The following TBC1D5 variants were observed in gnomAD, a reference collection of about 807,000 sequenced individuals.
The protein encoded by TBC1D5 is TBC1 domain family, member 5.
TBC1D5 carries 75 observed loss-of-function variants against 100.3 expected under a neutral mutation model. That is an observed-to-expected ratio of 0.75 (90% CI 0.62 to 0.91). The LOEUF is 0.91. Ranked by LOEUF, TBC1D5 falls within the 40% of genes least tolerant of loss-of-function variation. The probability of loss-of-function intolerance (pLI) is 0.00; values close to 1 mark genes in which losing one functional copy is unlikely to be tolerated. For missense variants in TBC1D5, 910 were observed against 942.4 expected (o/e 0.97, Z 0.45); for synonymous variants, 323 against 325.6 (o/e 0.99, Z 0.09).
chr3:17,271,784 C>T (rs149794388), intron 15 of TBC1D5, among the ~76,000 whole-genome samples: 64 of 152,036 alleles, frequency 4.2e-4, no homozygotes, highest in African/African-American at 1.4e-3. Context: ...TCCTTCAATG[C>T]CTAGTTTCTC....
At chr3:17,374,392 TC>T in intron 12 of TBC1D5, 78 bp downstream of exon 12, 1 of 1,364,728 alleles carries the variant, frequency 7.3e-7, no homozygotes, top group South Asian at 1.4e-5. Context: ...TATATACTAT[TC>T]TTTGGTTACA....
At chr3:17,308,205 A>T in intron 13 of TBC1D5, 71 bp from the exon 14 acceptor site, 1 of 1,408,000 alleles carries the variant, frequency 7.1e-7, no homozygotes, top group Non-Finnish European at 9.3e-7. Context: ...TTTCTCAAGT[A>T]ACTGTGAAAA....
chr3:17,262,483 T>G (rs990899128), intron 15 of TBC1D5, among the ~76,000 whole-genome samples: 3 of 149,096 alleles, frequency 2.0e-5, no homozygotes, highest in Non-Finnish European at 3.0e-5. Context: ...ACAATGTTTT[T>G]TTTTTTTTTT....
At chr3:17,345,940 G>T (rs2089799182) in intron 13 of TBC1D5, among the ~76,000 whole-genome samples, 1 of 151,596 alleles carries the variant, frequency 6.6e-6, no homozygotes, top group Non-Finnish European at 1.5e-5. Context: ...GAGGGGGGAG[G>T]GATAGCATTA....
chr3:17,339,050 G>C (rs2088420809), intron 13 of TBC1D5, among the ~76,000 whole-genome samples: 1 of 152,162 alleles, frequency 6.6e-6, no homozygotes, highest in Non-Finnish European at 1.5e-5. Flanking sequence ...TCATTAATCA[G>C]CCAAATTATT....
At chr3:17,486,886 G>A (rs1398889382) in intron 3 of TBC1D5, among the ~76,000 whole-genome samples, 1 of 152,162 alleles carries the variant, frequency 6.6e-6, no homozygotes, top group East Asian at 1.9e-4. Flanking sequence ...GCAAGTGCTT[G>A]CCTTTGTTTT....
chr3:17,298,388 A>G (rs2082477643), intron 14 of TBC1D5, among the ~76,000 whole-genome samples: 2 of 152,218 alleles, frequency 1.3e-5, no homozygotes, highest in South Asian at 4.1e-4. Flanking sequence ...TTCCAGTGGA[A>G]GAGAAACATA....
At position 17,572,036 on chromosome 3, in the gene TBC1D5, T is replaced by C. The variant is rs115871397; in HGVS notation, c.-36+51813A>G. ...CTACTGCATTATGCCCTCACCATTGTCTCGGTTGGGACTTTTTGAAAACAG... is the reference window on the plus strand; with the variant it reads ...CTACTGCATTATGCCCTCACCATTGCCTCGGTTGGGACTTTTTGAAAACAG... On this transcript the variant is annotated intron_variant, in intron 2 of 21. Transcript: ENST00000253692. Among the ~76,000 whole-genome samples, 936 of 152,148 alleles carry C rather than the reference T, an allele frequency of 6.2e-3. 6 individuals carry two copies. The highest frequency in any genetic ancestry group is 9.7e-3 in the Non-Finnish European group (656 of 67,946).
chr3:17,544,814 A>C (rs948285324), intron 2 of TBC1D5, among the ~76,000 whole-genome samples: 3 of 152,196 alleles, frequency 2.0e-5, no homozygotes, highest in Non-Finnish European at 4.4e-5. Context: ...TATTTCTACC[A>C]CTAGATGGAA....
At chr3:17,278,351 T>C (rs1454899927) in intron 15 of TBC1D5, among the ~76,000 whole-genome samples, 3 of 152,152 alleles carry the variant, frequency 2.0e-5, no homozygotes, top group Non-Finnish European at 4.4e-5. Context: ...GATTATTCCT[T>C]TGCTCTAAAA....
intron 13 of TBC1D5, among the ~76,000 whole-genome samples, chr3:17,351,825 AG>A (rs67717807): frequency 0.44 from 59,588 of 136,002 alleles, 12,384 homozygotes; most frequent in African/African-American, 0.53. Context: ...AAAAAAAAAA[AG>A]AGATTCCCTA....
intron 2 of TBC1D5, among the ~76,000 whole-genome samples, chr3:17,591,559 C>T (rs1355049849): frequency 2.0e-5 from 3 of 152,126 alleles, no homozygotes; most frequent in Non-Finnish European, 4.4e-5. Context: ...TCATTGTGGT[C>T]CTCCAGTTAA....
intron 9 of TBC1D5, among the ~76,000 whole-genome samples, chr3:17,377,542 G>A (rs2092758105): frequency 1.3e-5 from 2 of 152,062 alleles, no homozygotes; most frequent in South Asian, 4.1e-4. Flanking sequence ...AACTAGGGAT[G>A]CTCTTTTATA....
chr3:17,729,038 A>AAAAAAAAAAAAAC, intron 1 of TBC1D5, among the ~76,000 whole-genome samples: 1 of 150,006 alleles, frequency 6.7e-6, no homozygotes, highest in Non-Finnish European at 1.5e-5. Context: ...AAAAAAAAAA[A>AAAAAAAAAAAAAC]AAGTGAATAT....
chr3:17,416,670 G>A (rs2094081645), intron 4 of TBC1D5, among the ~76,000 whole-genome samples: 1 of 152,140 alleles, frequency 6.6e-6, no homozygotes, highest in African/African-American at 2.4e-5. Flanking sequence ...ATTAGATATG[G>A]ATATAATCTT....
intron 2 of TBC1D5, among the ~76,000 whole-genome samples, chr3:17,612,585 G>A (rs560585716): frequency 1.5e-4 from 23 of 151,778 alleles, no homozygotes; most frequent in Admixed American, 2.0e-4. Context: ...AGCCGAGATC[G>A]CACCACTTCA....
At chr3:17,603,872 T>C (rs2061165245) in intron 2 of TBC1D5, among the ~76,000 whole-genome samples, 1 of 152,082 alleles carries the variant, frequency 6.6e-6, no homozygotes, top group East Asian at 1.9e-4. Flanking sequence ...CTCAAACTCC[T>C]GACCTTAAGC....
intron 15 of TBC1D5, among the ~76,000 whole-genome samples, chr3:17,263,338 C>A (rs1352848037): frequency 8.0e-6 from 1 of 125,500 alleles, no homozygotes; most frequent in Non-Finnish European, 1.6e-5. Context: ...TGCACTCCAA[C>A]CTGGGTGACA....
chr3:17,501,573 C>G (rs1434302475), intron 3 of TBC1D5, among the ~76,000 whole-genome samples: 4 of 149,102 alleles, frequency 2.7e-5, no homozygotes, highest in Non-Finnish European at 5.9e-5. Flanking sequence ...CACCACACTA[C>G]TCTTCCTTCT....
Sources: allele counts gnomAD v4.1 joint callset (sites outside exome capture counted in the v4.1 genomes callset), GRCh38; gene constraint gnomAD v4.1.1; transcripts MANE v1.5; gene names NCBI Gene and HGNC (gene_info 2026-07-23, HGNC 2026-07-21).